ACBD6: variants seen among roughly 807,000 people sequenced by gnomAD.
ACBD6 encodes the protein acyl-CoA-binding domain-containing protein 6.
Under a neutral mutation model 37.2 loss-of-function variants are expected in ACBD6, and 28 were observed. That is an observed-to-expected ratio of 0.75 (90% confidence interval 0.56 to 1.03). The LOEUF (loss-of-function observed/expected upper bound fraction) is 1.03, where lower values mean the gene tolerates loss of function less well. Ranked by LOEUF, ACBD6 falls within the 50% of genes least tolerant of loss-of-function variation. ACBD6 has a pLI of 0.00. For missense variants in ACBD6, 340 were observed against 337.4 expected (o/e 1.01, Z -0.06); for synonymous variants, 113 against 126.8 (o/e 0.89, Z 0.73).
chr1:180,402,546 C>A (rs922847562), intron 5 of ACBD6, among the ~76,000 whole-genome samples: 2 of 152,088 alleles, frequency 1.3e-5, no homozygotes, highest in African/African-American at 4.8e-5. Context: ...TGGCTGGGTG[C>A]GGTGGCTCAT....
At chr1:180,358,895 A>G (rs2101900987) in intron 6 of ACBD6, among the ~76,000 whole-genome samples, 1 of 152,344 alleles carries the variant, frequency 6.6e-6, no homozygotes, top group South Asian at 2.1e-4. Context: ...TCCTCTATGC[A>G]GTCTTCTCTG....
chr1:180,272,340 CT>C (rs1471218288), intron 13 of ACBD6, among the ~76,000 whole-genome samples: 2 of 152,200 alleles, frequency 1.3e-5, no homozygotes, highest in African/African-American at 2.4e-5. Flanking sequence ...CCTTGTGCCC[CT>C]AGCCCCTCTC....
rs535760085 is a variant in ACBD6, at chr1:180,437,139, C to T, written c.385-6877G>A. ...ACTTTGCAGTTTGGCTTTTTTCCCT[C>T]GACATCTTCATCTGTATCCTTTGTA... On this transcript the variant is annotated intron_variant, in intron 3 of 7. Coordinates refer to ENST00000367595, the MANE Select transcript of ACBD6 (RefSeq NM_032360.4). 3.3e-5 allele frequency among the ~76,000 whole-genome samples: 5 copies of T among 152,264 alleles called. No homozygotes were observed. In the South Asian group the frequency reaches 6.2e-4, roughly 19 times the overall value.
exon 14 of ACBD6, chr1:180,270,602 T>C (rs1336963696): frequency 1.3e-5 from 2 of 153,036 alleles, no homozygotes; most frequent in African/African-American, 2.4e-5. Flanking sequence ...GGACTTTGTG[T>C]TGATCAGTCA....
At chr1:180,417,458 T>C (rs1419301556) in intron 4 of ACBD6, among the ~76,000 whole-genome samples, 2 of 152,222 alleles carry the variant, frequency 1.3e-5, no homozygotes, top group African/African-American at 2.4e-5. Flanking sequence ...ATTAGGACCA[T>C]GGCTAAGGCA....
At chr1:180,405,863 G>A (rs1044059411) in intron 5 of ACBD6, among the ~76,000 whole-genome samples, 1 of 152,060 alleles carries the variant, frequency 6.6e-6, no homozygotes, top group African/African-American at 2.4e-5. Flanking sequence ...GTGAAGAGCT[G>A]TACTAATGTG....
chr1:180,431,382 C>A (rs1470167266), intron 3 of ACBD6, among the ~76,000 whole-genome samples: 1 of 151,840 alleles, frequency 6.6e-6, no homozygotes, highest in Non-Finnish European at 1.5e-5. Context: ...GATTAAATGA[C>A]AAAGTATATA....
At chr1:180,451,569 C>T (rs745491410) in intron 3 of ACBD6, among the ~76,000 whole-genome samples, 3 of 152,108 alleles carry the variant, frequency 2.0e-5, no homozygotes, top group East Asian at 3.8e-4. Flanking sequence ...AGTATTGATA[C>T]ATGCTACAAT....
chr1:180,435,061 T>G lies in ACBD6; in HGVS notation c.385-4799A>C. The stretch of plus-strand genomic sequence containing the variant: ...ACCGAGATTACCGTGGAAGGTCAGC[T>G]TGCACATGATCTGAAGCTTACCTTC... On this transcript the variant is annotated intron_variant, in intron 3 of 7. Coordinates refer to ENST00000367595, the MANE Select transcript of ACBD6 (RefSeq NM_032360.4). 1.1e-5 allele frequency: 9 copies of G among 835,074 alleles called. No individual in the cohort carries two copies. In the South Asian group the frequency reaches 1.2e-4, roughly 11 times the overall value. 51.7% of individuals were successfully genotyped at this position (835,074 alleles called of 1,614,324 possible).
At chr1:180,285,714 T>C (rs912277206), downstream of ACBD6, among the ~76,000 whole-genome samples, 2 of 152,102 alleles carry the variant, frequency 1.3e-5, no homozygotes, top group Non-Finnish European at 2.9e-5. Flanking sequence ...TAATAACCCA[T>C]AGCCAAGTAG....
chr1:180,447,330 A>G lies in ACBD6; in HGVS notation c.385-17068T>C, dbSNP rs1009244948. Among the ~76,000 whole-genome samples the G allele has an allele frequency of 4.5e-4, 69 of 152,308 alleles. 1 individual carries two copies. The highest frequency in any genetic ancestry group is 4.3e-4 in the Non-Finnish European group (29 of 68,020). ...CAGAAATATGAGATAATTTTTACATATAATTAATATGGTCAACAGAACTCC... is the reference window on the plus strand; with the variant it reads ...CAGAAATATGAGATAATTTTTACATGTAATTAATATGGTCAACAGAACTCC... On this transcript the variant is annotated intron_variant, in intron 3 of 7. Transcript: ENST00000367595.
downstream of ACBD6, among the ~76,000 whole-genome samples, chr1:180,285,345 T>C (rs1649451435): frequency 2.6e-5 from 4 of 152,184 alleles, no homozygotes; most frequent in South Asian, 2.1e-4. Context: ...GAGTGAGACC[T>C]TGTCTCAAAA....
Position 180,470,149 on chromosome 1 carries a change from C to T in ACBD6, c.384+22120G>A, listed in dbSNP as rs547395806. 2.6e-3 allele frequency among the ~76,000 whole-genome samples: 402 copies of T among 152,142 alleles called. 3 individuals are homozygous for T. Among genetic ancestry groups the T allele is most frequent in the Admixed American group, 9.0e-3 (138 of 15,276 alleles). On this transcript the variant is annotated intron_variant, in intron 3 of 7. Coordinates refer to ENST00000367595, the MANE Select transcript of ACBD6 (RefSeq NM_032360.4). ...GTTAAAAAATGCATGCTAAATTTCC[C>T]TATATCGTATTTCAATCAATTGCCT...
downstream of ACBD6, chr1:180,288,211 A>G (rs138250313): frequency 1.4e-4 from 141 of 1,036,520 alleles, no homozygotes; most frequent in Non-Finnish European, 1.9e-4. Flanking sequence ...AAGAAGAATG[A>G]ATTGCTGAGA....
chr1:180,410,364 A>G (rs1647804376), intron 5 of ACBD6, among the ~76,000 whole-genome samples: 1 of 152,238 alleles, frequency 6.6e-6, no homozygotes, highest in African/African-American at 2.4e-5. Context: ...GACTACTCCT[A>G]CTATTGAAAG....
chr1:180,411,405 C>G (rs1179236627), intron 5 of ACBD6, among the ~76,000 whole-genome samples: 2 of 152,160 alleles, frequency 1.3e-5, no homozygotes. Flanking sequence ...AAGACTCAAT[C>G]AATGTAGCTA....
At chr1:180,410,638 C>G (rs1347053875) in intron 5 of ACBD6, among the ~76,000 whole-genome samples, 1 of 151,910 alleles carries the variant, frequency 6.6e-6, no homozygotes, top group Non-Finnish European at 1.5e-5. Context: ...ATATTTTAAG[C>G]CTACTGTTGA....
intron 3 of ACBD6, among the ~76,000 whole-genome samples, chr1:180,443,821 C>T (rs1649378604): frequency 6.9e-6 from 1 of 144,930 alleles, no homozygotes; most frequent in Non-Finnish European, 1.5e-5. Context: ...GACAGGGTTT[C>T]ACTGTGTTAG....
Position 180,416,639 on chromosome 1 carries a change from A to G in ACBD6, c.468-3168T>C, listed in dbSNP as rs116550065. On this transcript the variant is annotated intron_variant, in intron 4 of 7. Transcript: ENST00000367595. Reference sequence around the variant, plus strand: ...TTCAGGTTACTACAACTTTTCTGAAATTGACAGCAAATACATTTATATTCC... The same window carrying G: ...TTCAGGTTACTACAACTTTTCTGAAGTTGACAGCAAATACATTTATATTCC... Among the ~76,000 whole-genome samples the G allele has an allele frequency of 7.2e-3, 1,095 of 152,290 alleles. 13 individuals carry two copies. The highest frequency in any genetic ancestry group is 0.025 in the African/African-American group (1,049 of 41,562).
Sources: allele counts gnomAD v4.1 joint callset (sites outside exome capture counted in the v4.1 genomes callset), GRCh38; gene constraint gnomAD v4.1.1; transcripts MANE v1.5; gene names NCBI Gene and HGNC (gene_info 2026-07-23, HGNC 2026-07-21).